Variants in ZNF202 observed in about 807,000 individuals in gnomAD.
The protein encoded by ZNF202 is zinc finger protein with KRAB and SCAN domains 10.
Under a neutral mutation model 54.5 loss-of-function variants are expected in ZNF202, and 22 were observed. The observed-to-expected ratio is 0.40, with a 90% CI of 0.29 to 0.58. The LOEUF (loss-of-function observed/expected upper bound fraction) is 0.58. Among genes scored for constraint, ZNF202 ranks in the 20% least tolerant of loss-of-function variants. The probability of loss-of-function intolerance (pLI) is 0.39; values close to 1 mark genes in which losing one functional copy is unlikely to be tolerated. For synonymous variants in ZNF202, 294 were observed against 301.4 expected (o/e 0.98, Z 0.26); for missense variants, 644 against 805.5 (o/e 0.80, Z 2.43).
intron 7 of ZNF202, among the ~76,000 whole-genome samples, chr11:123,727,806 C>T (rs1407824786): frequency 1.3e-5 from 2 of 152,122 alleles, no homozygotes; most frequent in Non-Finnish European, 2.9e-5. Context: ...ATAATTATAC[C>T]ATTGTACACC....
At chr11:123,737,889 G>A (rs1660819646) in intron 3 of ZNF202, among the ~76,000 whole-genome samples, 1 of 152,108 alleles carries the variant, frequency 6.6e-6, no homozygotes, top group Admixed American at 6.5e-5. Context: ...GCTTTTTGAT[G>A]GTGATGAGGA....
At position 123,726,693 on chromosome 11, in the gene ZNF202, C is replaced by T. The variant is rs191301850; in HGVS notation, c.1251G>A (p.Arg417=). Residue 417 remains arginine, a synonymous_variant, in exon 9 of 9, where the codon AGG becomes AGA. Coordinates refer to ENST00000530393, the MANE Select transcript of ZNF202 (RefSeq NM_003455.4). This position sits in a 1 kb window ranked among gnomAD's most constrained non-coding sequence, Gnocchi z 6.0. ...TCNSHLVRHL[R]THTGEKPYKC... is the part of the protein sequence containing the mutation. ...TATAGGGTTTCTCTCCTGTGTGAGT[C>T]CTCAGGTGTCTAACAAGGTGGGAGT... 56 of 1,614,168 alleles carry T rather than the reference C, an allele frequency of 3.5e-5. No individual in the cohort carries two copies. The African/African-American group carries it at 4.8e-4, about 14-fold the overall frequency.
At position 123,730,646 on chromosome 11, in the gene ZNF202, T is replaced by A; in HGVS notation, c.243A>T (p.Thr81=). Residue 81 remains threonine, a synonymous_variant, in exon 4 of 9, where the codon ACA becomes ACT. Transcript: ENST00000530393. The surrounding 1 kb of genome is among the most constrained non-coding windows in gnomAD (Gnocchi z 6.0). ...CAAGCAGCTCTAGGATCTGCTCCTT[T>A]GTCCGCCTCTCTGGTCTCAGCCACT... The part of the protein sequence containing the change: ...CHQWLRPERR[T]KEQILELLVL... 6.2e-7 allele frequency: 1 copy of A among 1,613,832 alleles called. No individual in the cohort carries two copies.
chr11:123,728,029 G>A, intron 7 of ZNF202, 104 bp downstream of exon 7: 4 of 1,331,434 alleles, frequency 3.0e-6, no homozygotes, highest in Non-Finnish European at 4.1e-6. Context: ...GAAGGCATAA[G>A]AGAAGTTCAC....
Position 123,725,890 on chromosome 11 carries a change from G to T in ZNF202, c.*107C>A. On this transcript the variant is annotated 3_prime_UTR_variant, in exon 9 of 9. Coordinates refer to ENST00000530393, the MANE Select transcript of ZNF202 (RefSeq NM_003455.4). ...GGTAATGTCAGATCTGAGCAGGTCA[G>T]GGAGACTCCCTCGAAAAGGTCTTCC... 1 of 1,345,026 alleles carries T rather than the reference G, an allele frequency of 7.4e-7. No homozygotes were observed. Among genetic ancestry groups the T allele is most frequent in the East Asian group, 2.4e-5 (1 of 42,098 alleles). The allele number at this position is 1,345,026 out of a possible 1,614,324, so 83.3% of individuals were successfully genotyped here. A position where few individuals can be genotyped will look rare whatever the true frequency, so the allele number is the denominator to read the frequency against.
rs934498735 is a variant in ZNF202 at position 123,734,269 on chromosome 11, A to T, written c.-97-3284T>A. Among the ~76,000 whole-genome samples the T allele has an allele frequency of 2.0e-5, 3 of 152,230 alleles. No homozygotes were observed. The South Asian group carries it at 6.2e-4, about 32-fold the overall frequency. ...CAAGTAGGTGAGTGGTGAACTTCCT[A>T]ACATACAAAATCTGCCAATGGCTTC... On this transcript the variant is annotated intron_variant, in intron 3 of 8. Transcript: ENST00000530393.
intron 3 of ZNF202, among the ~76,000 whole-genome samples, chr11:123,737,486 T>C (rs759213940): frequency 2.3e-4 from 35 of 151,606 alleles, no homozygotes; most frequent in Non-Finnish European, 3.1e-4. Flanking sequence ...CAATAAGGTA[T>C]AGAGAAAGGG....
rs2272142 is a variant in ZNF202, at chr11:123,741,629, C to T, written c.-374G>A. On this transcript the variant is annotated 5_prime_UTR_variant, in exon 1 of 9. Transcript: ENST00000530393. ...CCGACCGAAACAGCGCCGCCGGATC[C>T]GAGCCGCGCGGGGCCTAGCGGGTCG... 0.034 allele frequency: 5,226 copies of T among 152,786 alleles called. 244 individuals carry two copies. The highest frequency in any genetic ancestry group is 0.15 in the East Asian group (771 of 5,162). 9.5% of individuals were successfully genotyped at this position (152,786 alleles called of 1,614,324 possible). A position where few individuals can be genotyped will look rare whatever the true frequency, so the allele number is the denominator to read the frequency against.
In ZNF202 at chr11:123,723,941, T is replaced by C. The variant is rs904246020; in HGVS notation, c.*2056A>G. Among the ~76,000 whole-genome samples, 1 of 152,200 alleles carries C rather than the reference T, an allele frequency of 6.6e-6. No individual in the cohort carries two copies. The highest frequency in any genetic ancestry group is 2.4e-5 in the African/African-American group (1 of 41,444). ...TCCCTCATGTAGAACTCTGACAGAT[T>C]TTCATTTATTGGAATAATGCAAATA... is the stretch of plus-strand genomic sequence containing the variant. On this transcript the variant is annotated 3_prime_UTR_variant, in exon 9 of 9. Transcript: ENST00000530393.
Position 123,723,932 on chromosome 11 carries a change from C to CTT in ZNF202, c.*2064_*2065insAA, listed in dbSNP as rs1484569341. On this transcript the variant is annotated 3_prime_UTR_variant, in exon 9 of 9. Coordinates refer to ENST00000530393, the MANE Select transcript of ZNF202 (RefSeq NM_003455.4). ...CACAAGCTTTCCCTCATGTAGAACT[C>CTT]TGACAGATTTTCATTTATTGGAATA... 2.6e-5 allele frequency among the ~76,000 whole-genome samples: 4 copies of CTT among 152,204 alleles called. No individual in the cohort carries two copies. The highest frequency in any genetic ancestry group is 9.6e-5 in the African/African-American group (4 of 41,462).
Position 123,727,569 on chromosome 11 carries a change from T to C in ZNF202, c.859A>G (p.Ile287Val). The C allele has an allele frequency of 6.2e-7, 1 of 1,614,058 alleles. No individual in the cohort carries two copies. Among genetic ancestry groups the C allele is most frequent in the Non-Finnish European group, 8.5e-7 (1 of 1,179,980 alleles). ...LSFPIPRPDE[I>V]SQVREEEPWV... ...GGCTCTTCCTCTCTAACCTGGGAGA[T>C]CTCATCAGGTCTGGGGATTGGAAAT... Residue 287 changes from isoleucine (I) to valine (V), a missense_variant, in exon 8 of 9, where the codon ATC (isoleucine) becomes GTC (valine). Physicochemically the swap from Ile to Val is conservative, Grantham distance 29. Around this residue, in one of 3 missense-constraint regions of ZNF202, gnomAD observed 536 missense variants for 635.3 expected, o/e 0.84. Coordinates refer to ENST00000530393, the MANE Select transcript of ZNF202 (RefSeq NM_003455.4).
intron 3 of ZNF202, among the ~76,000 whole-genome samples, chr11:123,732,082 C>T (rs1861430807): frequency 6.6e-6 from 1 of 152,198 alleles, no homozygotes; most frequent in Non-Finnish European, 1.5e-5. Flanking sequence ...CCTTTCCACG[C>T]TACATGGTGT....
chr11:123,727,652 A>T, intron 7 of ZNF202, 57 bp from the exon 8 acceptor site: 1 of 1,604,444 alleles, frequency 6.2e-7, no homozygotes, highest in Non-Finnish European at 8.5e-7. Flanking sequence ...CCCTGTGTTA[A>T]GAGCGGTCCT....
rs1353268914 is a variant in ZNF202 at position 123,732,988 on chromosome 11, C to A, written c.-97-2003G>T. Among the ~76,000 whole-genome samples, 3 of 152,110 alleles carry A rather than the reference C, an allele frequency of 2.0e-5. No individual in the cohort carries two copies. In the East Asian group the frequency reaches 5.8e-4, roughly 29 times the overall value. ...GGAACTTTAAAAAAAATTACAATAT[C>A]CTCTGCTCCTAAACGGCACTGGCAC... On this transcript the variant is annotated intron_variant, in intron 3 of 8. Transcript: ENST00000530393.
intron 3 of ZNF202, among the ~76,000 whole-genome samples, chr11:123,736,590 G>A (rs1454150110): frequency 6.6e-6 from 1 of 152,174 alleles, no homozygotes; most frequent in Non-Finnish European, 1.5e-5. Flanking sequence ...GATTAGCCCA[G>A]TACAATCCTT....
chr11:123,728,150 C>G lies in ZNF202; in HGVS notation c.815G>C (p.Gly272Ala). Residue 272 changes from glycine (G) to alanine (A), a missense_variant, in exon 7 of 9, where the codon GGA becomes GCA. Gly to Ala is a moderately conservative substitution (Grantham distance 60, BLOSUM62 0). Coordinates refer to ENST00000530393, the MANE Select transcript of ZNF202 (RefSeq NM_003455.4). ...YGEYVLEEDC[G>A]IVVSLSFPIP... ...TTCCTTACACAGAGAGACAACAATT[C>G]CACAGTCTTCTTCCAAGACATATTC... is the stretch of plus-strand genomic sequence containing the variant. 6.2e-7 allele frequency: 1 copy of G among 1,610,930 alleles called. No homozygotes were observed. Among genetic ancestry groups the G allele is most frequent in the Non-Finnish European group, 8.5e-7 (1 of 1,178,154 alleles).
chr11:123,736,416 T>A (rs1861635246), intron 3 of ZNF202, among the ~76,000 whole-genome samples: 1 of 152,208 alleles, frequency 6.6e-6, no homozygotes, highest in African/African-American at 2.4e-5. Flanking sequence ...CATTCTTATT[T>A]TATACCTTAA....
At position 123,727,483 on chromosome 11, in the gene ZNF202, G is replaced by C. The variant is rs1480641513; in HGVS notation, c.945C>G (p.Thr315=). 6.2e-7 allele frequency: 1 copy of C among 1,613,990 alleles called. No homozygotes were observed. Among genetic ancestry groups the C allele is most frequent in the East Asian group, 2.2e-5 (1 of 44,872 alleles). Residue 315 remains threonine, a synonymous_variant, in exon 8 of 9, where the codon ACC becomes ACG. Coordinates refer to ENST00000530393, the MANE Select transcript of ZNF202 (RefSeq NM_003455.4). ...ETQEPEILSF[T]YTGDRSKDEE... is the part of the protein sequence containing the mutation. ...GTTTTTGTCATTCCTCACCTGTGTAGGTAAAACTCAGGATTTCTGGCTCTT... is the reference window on the plus strand; with the variant it reads ...GTTTTTGTCATTCCTCACCTGTGTACGTAAAACTCAGGATTTCTGGCTCTT...
intron 6 of ZNF202, among the ~76,000 whole-genome samples, chr11:123,728,686 A>G (rs959683578): frequency 1.3e-5 from 2 of 152,198 alleles, no homozygotes; most frequent in Admixed American, 6.5e-5. Context: ...ACAATCTAAA[A>G]CCATACATGA....
Sources: allele counts gnomAD v4.1 joint callset (sites outside exome capture counted in the v4.1 genomes callset), GRCh38; gene constraint gnomAD v4.1.1; regional missense constraint gnomAD v4.1.1; non-coding constraint Gnocchi (gnomAD v3.1); transcripts MANE v1.5; gene names NCBI Gene and HGNC (gene_info 2026-07-23, HGNC 2026-07-21).